The following AXIN1 variants were observed in gnomAD, a reference collection of about 807,000 sequenced individuals.
AXIN1 encodes the protein axin-1.
A neutral mutation model predicts 76.4 loss-of-function variants in AXIN1; 30 were observed. The observed-to-expected ratio is 0.39, with a 90% CI of 0.29 to 0.53. AXIN1 has a LOEUF of 0.53. AXIN1 is among the 20% of genes least tolerant of loss of function. AXIN1 has a pLI of 0.66. For missense variants in AXIN1, 1,140 were observed against 1,198.8 expected, an observed-to-expected ratio of 0.95 and a Z score of 0.72; for synonymous variants, 545 against 501.4, an observed-to-expected ratio of 1.09 and a Z score of -1.16.
Position 310,898 on chromosome 16 carries a change from G to A in AXIN1, c.1020-829C>T, listed in dbSNP as rs187825532. On this transcript the variant is annotated intron_variant, in intron 3 of 10. Transcript: ENST00000262320. ...CAAAAACATTTCAGGATTGCACAGT[G>A]GGCAGCCAGGACAACCAGTGCCCCA... Among the ~76,000 whole-genome samples the A allele has an allele frequency of 1.5e-4, 23 of 152,358 alleles. No individual in the cohort carries two copies. In the East Asian group the frequency reaches 4.2e-3, roughly 28 times the overall value.
intron 2 of AXIN1, among the ~76,000 whole-genome samples, chr16:332,504 A>C (rs577638611): frequency 1.3e-5 from 2 of 151,650 alleles, no homozygotes; most frequent in South Asian, 4.2e-4. Flanking sequence ...TGAACCCGGG[A>C]GGTGGAGGTT....
At chr16:289,681 G>T (rs2141469874) in intron 9 of AXIN1, 74 bp from the exon 10 acceptor site, 1 of 1,582,860 alleles carries the variant, frequency 6.3e-7, no homozygotes, top group African/African-American at 1.3e-5. Context: ...CTGGCCTCAG[G>T]CTGCCAGTGT....
chr16:288,300 A>G (rs2141461119), intron 10 of AXIN1, 52 bp from the exon 11 acceptor site: 7 of 1,612,156 alleles, frequency 4.3e-6, no homozygotes, highest in Non-Finnish European at 5.9e-6. Flanking sequence ...GCAGATGGGA[A>G]GGAGGCCTGT....
intron 2 of AXIN1, among the ~76,000 whole-genome samples, chr16:326,588 A>AAT (rs1221179420): frequency 6.7e-6 from 1 of 149,442 alleles, no homozygotes. Flanking sequence ...CTCTACTAAA[A>AAT]ATACAAAAAA....
intron 1 of AXIN1, among the ~76,000 whole-genome samples, chr16:349,166 A>C (rs1327970787): frequency 6.6e-6 from 1 of 152,192 alleles, no homozygotes; most frequent in African/African-American, 2.4e-5. Context: ...CCATAGATGG[A>C]GGATGGTTTG....
At position 293,324 on chromosome 16, in the gene AXIN1, G is replaced by A. The variant is rs763197889; in HGVS notation, c.2186+164C>T. 182 of 712,896 alleles carry A rather than the reference G, an allele frequency of 2.6e-4. 1 individual carries two copies. Among genetic ancestry groups the A allele is most frequent in the Admixed American group, 5.1e-4 (19 of 37,100 alleles). 44.2% of individuals were successfully genotyped at this position (712,896 alleles called of 1,614,324 possible). A position where few individuals can be genotyped will look rare whatever the true frequency, so the allele number is the denominator to read the frequency against. ...CGTCCACCGCAGGGTGGCCTGCCAC[G>A]TGGCCCCTCAGTGGTTCTCAGTGGA... On this transcript the variant is annotated intron_variant, in intron 8 of 10. Coordinates refer to ENST00000262320, the MANE Select transcript of AXIN1 (RefSeq NM_003502.4). The surrounding 1 kb of genome is among the most constrained non-coding windows in gnomAD (Gnocchi z 4.6).
chr16:307,298 C>T (rs1023974947), intron 4 of AXIN1, among the ~76,000 whole-genome samples: 3 of 152,172 alleles, frequency 2.0e-5, no homozygotes, highest in African/African-American at 2.4e-5. Context: ...TGCGTCACCA[C>T]GGTTCTGAGA....
chr16:330,234 CTATT>C (rs2053667354), intron 2 of AXIN1, among the ~76,000 whole-genome samples: 1 of 151,810 alleles, frequency 6.6e-6, no homozygotes, highest in African/African-American at 2.4e-5. Context: ...CTCAATTTTT[CTATT>C]TTTTTCTAGA....
Position 298,031 on chromosome 16 carries a change from C to A in AXIN1, c.1475G>T (p.Arg492Leu). 1 of 1,591,710 alleles carries A rather than the reference C, an allele frequency of 6.3e-7. No homozygotes were observed. ...GGCCACGTGCCCACTGTCCGGGGAG[C>A]GATGGCCAGGCCCAGGCGACTGGCG... is the stretch of plus-strand genomic sequence containing the variant. The part of the protein sequence containing the change: ...PGRQSPGPGH[R>L]SPDSGHVAKM... The change falls in exon 6 of 11, where the codon CGC (arginine) becomes CTC (leucine). Residue 492 changes from arginine to leucine, a missense_variant. Coordinates refer to ENST00000262320, the MANE Select transcript of AXIN1 (RefSeq NM_003502.4).
At chr16:320,972 T>TCA (rs1165969248) in intron 2 of AXIN1, among the ~76,000 whole-genome samples, 1 of 151,976 alleles carries the variant, frequency 6.6e-6, no homozygotes, top group Non-Finnish European at 1.5e-5. Context: ...ACGCCTGACC[T>TCA]TGTGATCTGC....
intron 1 of AXIN1, among the ~76,000 whole-genome samples, chr16:349,984 T>C (rs958600170): frequency 1.3e-5 from 2 of 152,116 alleles, no homozygotes; most frequent in African/African-American, 2.4e-5. Context: ...ATTTTGGGTT[T>C]CACCACGTTG....
chr16:323,076 C>CCAGGAGTTCGAGACCAGCCTAGG (rs2053493806), intron 2 of AXIN1, among the ~76,000 whole-genome samples: 2 of 152,052 alleles, frequency 1.3e-5, no homozygotes, highest in Non-Finnish European at 2.9e-5. Context: ...CTGCTTAAGC[C>CCAGGAGTTCGAGACCAGCCTAGG]CAGGAGTTCG....
intron 2 of AXIN1, among the ~76,000 whole-genome samples, chr16:316,330 T>G (rs573651181): frequency 3.9e-5 from 6 of 152,324 alleles, no homozygotes; most frequent in African/African-American, 1.4e-4. Context: ...GCTGTTAGCA[T>G]TAAATACCAA....
chr16:311,429 C>G (rs893314356), intron 3 of AXIN1, among the ~76,000 whole-genome samples: 1 of 152,164 alleles, frequency 6.6e-6, no homozygotes, highest in Non-Finnish European at 1.5e-5. Context: ...AGATAACTCA[C>G]GCACAACCAT....
At position 332,063 on chromosome 16, in the gene AXIN1, C is replaced by A. The variant is rs1016379421; in HGVS notation, c.878+14085G>T. 2.0e-5 allele frequency among the ~76,000 whole-genome samples: 3 copies of A among 152,130 alleles called. No individual in the cohort carries two copies. In the South Asian group the frequency reaches 6.2e-4, roughly 31 times the overall value. The stretch of plus-strand genomic sequence containing the variant: ...ACTCCCACACCTCGTTAGGGGCTCG[C>A]GGATGGCCTGACGCCTGACACAGGC... On this transcript the variant is annotated intron_variant, in intron 2 of 10. Coordinates refer to ENST00000262320, the MANE Select transcript of AXIN1 (RefSeq NM_003502.4).
intron 3 of AXIN1, among the ~76,000 whole-genome samples, chr16:311,787 AAAG>A (rs1362458218): frequency 6.6e-6 from 1 of 151,998 alleles, no homozygotes; most frequent in African/African-American, 2.4e-5. Context: ...GAAAAGGAAG[AAAG>A]AAAGAAAAGC....
At chr16:352,319 C>G in intron 1 of AXIN1, 50 bp downstream of exon 1, 1 of 965,252 alleles carries the variant, frequency 1.0e-6, no homozygotes, top group Non-Finnish European at 1.2e-6. Context: ...CGGGTCCCGC[C>G]CGCCCGGCCT....
At chr16:291,362 G>A (rs886897228) in intron 8 of AXIN1, 65 bp from the exon 9 acceptor site, 24 of 1,343,064 alleles carry the variant, frequency 1.8e-5, no homozygotes, top group African/African-American at 4.3e-5. Flanking sequence ...AGGGAGCCTC[G>A]ACCAATGCTG....
At chr16:304,209 C>T (rs2141543721) in intron 5 of AXIN1, 95 bp downstream of exon 5, 1 of 1,589,954 alleles carries the variant, frequency 6.3e-7, no homozygotes, top group Non-Finnish European at 8.5e-7. Context: ...CCTCGGCCAG[C>T]CCCGGGCATC....
Sources: gnomAD v4.1 joint callset for allele counts (sites outside exome capture counted in the v4.1 genomes callset) on GRCh38, gnomAD v4.1.1 for gene constraint, Gnocchi (gnomAD v3.1) non-coding constraint, MANE v1.5 for transcripts, NCBI Gene and HGNC (gene_info 2026-07-23, HGNC 2026-07-21) for gene names.